ABCA4: variants seen among roughly 807,000 people sequenced by gnomAD.
ABCA4 encodes the protein retinal-specific phospholipid-transporting ATPase ABCA4.
A neutral mutation model predicts 263.7 loss-of-function variants in ABCA4; 196 were observed. The ratio of observed to expected loss-of-function variants is 0.74; its 90% CI spans 0.66 to 0.84. The LOEUF (loss-of-function observed/expected upper bound fraction) is 0.84, where lower values mean the gene tolerates loss of function less well. Among genes scored for constraint, ABCA4 ranks in the 40% least tolerant of loss-of-function variants. The probability of loss-of-function intolerance (pLI) is 0.00; values close to 1 mark genes in which losing one functional copy is unlikely to be tolerated. For synonymous variants in ABCA4, 1,133 were observed against 1,094.2 expected, an observed-to-expected ratio of 1.04 and a Z score of -0.70; for missense variants, 2,792 against 2,855.1, an observed-to-expected ratio of 0.98 and a Z score of 0.50.
rs376500896 is a variant in ABCA4, at chr1:94,089,525, T to G, written c.769-6084A>C. ...CACTGTCGCCTAGGTGGGAGTGCAGTGGCACGATCTCTGCTCACTGCTCCG... is the reference window on the plus strand; with the variant it reads ...CACTGTCGCCTAGGTGGGAGTGCAGGGGCACGATCTCTGCTCACTGCTCCG... On this transcript the variant is annotated intron_variant, in intron 6 of 49. Transcript: ENST00000370225. Among the ~76,000 whole-genome samples, 11 of 151,444 alleles carry G rather than the reference T, an allele frequency of 7.3e-5. No homozygotes were observed. The East Asian group carries it at 1.2e-3, about 16-fold the overall frequency.
At chr1:94,088,142 A>C (rs1213630069) in intron 6 of ABCA4, among the ~76,000 whole-genome samples, 1 of 151,958 alleles carries the variant, frequency 6.6e-6, no homozygotes, top group Non-Finnish European at 1.5e-5. Context: ...AGAACCCCCC[A>C]GTTTTCTCCT....
At chr1:94,043,580 A>G (rs148169318) in intron 20 of ABCA4, 105 bp from the exon 21 acceptor site, 9 of 1,465,820 alleles carry the variant, frequency 6.1e-6, no homozygotes, top group Non-Finnish European at 8.4e-6. Flanking sequence ...TTGGCAATCA[A>G]GATGCTCACT....
intron 6 of ABCA4, among the ~76,000 whole-genome samples, chr1:94,093,305 C>G (rs1662026645): frequency 6.6e-6 from 1 of 152,140 alleles, no homozygotes. Flanking sequence ...CTCCATGAGC[C>G]CCATCCTGTG....
intron 48 of ABCA4, among the ~76,000 whole-genome samples, chr1:93,996,751 G>A (rs1463436607): frequency 1.3e-5 from 2 of 152,168 alleles, no homozygotes; most frequent in East Asian, 3.8e-4. Context: ...TGAATGAATA[G>A]ATGGATGAAC....
chr1:94,025,937 G>T lies in ABCA4; in HGVS notation c.4540-889C>A, dbSNP rs111771037. ...GACACAGTTGATTTGTGACATTAAT[G>T]AAAGAATTTGAATAGTTCCTTACAA... On this transcript the variant is annotated intron_variant, in intron 30 of 49. Transcript: ENST00000370225. 1.2e-3 allele frequency among the ~76,000 whole-genome samples: 186 copies of T among 152,308 alleles called. 1 individual carries two copies. Among genetic ancestry groups the T allele is most frequent in the African/African-American group, 4.4e-3 (181 of 41,562 alleles).
chr1:94,038,099 AAAC>A, intron 24 of ABCA4, among the ~76,000 whole-genome samples: 1 of 151,452 alleles, frequency 6.6e-6, no homozygotes, highest in East Asian at 2.0e-4. Context: ...CTGCCTCCAC[AAAC>A]AAAACTGAAT....
chr1:94,030,910 G>A (rs1660182224), intron 28 of ABCA4, 86 bp downstream of exon 28: 1 of 1,571,818 alleles, frequency 6.4e-7, no homozygotes, highest in Middle Eastern at 2.1e-4. Context: ...TCCCAGTGAA[G>A]TGGGAAGGTC....
chr1:93,998,351 C>A (rs1659071944), intron 47 of ABCA4, among the ~76,000 whole-genome samples: 1 of 152,094 alleles, frequency 6.6e-6, no homozygotes, highest in East Asian at 1.9e-4. Flanking sequence ...CATGGTGGCA[C>A]ATGCCTGTGG....
rs925359039 is a variant in ABCA4 at position 94,086,522 on chromosome 1, A to G, written c.769-3081T>C. 5.9e-5 allele frequency among the ~76,000 whole-genome samples: 9 copies of G among 152,210 alleles called. No individual in the cohort carries two copies. In the South Asian group the frequency reaches 1.9e-3, roughly 32 times the overall value. The stretch of plus-strand genomic sequence containing the variant: ...TAATCGTATTGCCTAGGTAGTTCTG[A>G]GTCACATGAAGAGCACATAGGCTGT... On this transcript the variant is annotated intron_variant, in intron 6 of 49. Coordinates refer to ENST00000370225, the MANE Select transcript of ABCA4 (RefSeq NM_000350.3).
intron 5 of ABCA4, 49 bp downstream of exon 5, chr1:94,102,966 G>C: frequency 6.2e-7 from 1 of 1,613,316 alleles, no homozygotes; most frequent in Non-Finnish European, 8.5e-7. Flanking sequence ...TTCTCAGGCT[G>C]GGTGCTTCCC....
chr1:94,009,815 C>T (rs1659497289), intron 40 of ABCA4, among the ~76,000 whole-genome samples: 1 of 152,234 alleles, frequency 6.6e-6, no homozygotes, highest in Admixed American at 6.5e-5. Flanking sequence ...GACCTGCTCT[C>T]TCCCACACAA....
In ABCA4 at chr1:94,077,889, T is replaced by G; in HGVS notation, c.1357-2A>C. ...TACTGTTGGGTTCCCCAGGGTATCC[T>G]TGGGAAGAAGAAATACAGTCACTGC... is the stretch of plus-strand genomic sequence containing the variant. On this transcript the variant is annotated splice_acceptor_variant, in intron 10 of 49. Transcript: ENST00000370225. LOFTEE classifies it high-confidence loss of function. The G allele has an allele frequency of 6.2e-7, 1 of 1,613,698 alleles. No homozygotes were observed. The highest frequency in any genetic ancestry group is 8.5e-7 in the Non-Finnish European group (1 of 1,179,624).
chr1:94,028,334 G>A (rs977990175), intron 30 of ABCA4, among the ~76,000 whole-genome samples: 5 of 152,130 alleles, frequency 3.3e-5, no homozygotes, highest in Non-Finnish European at 5.9e-5. Context: ...AATCCCCCAG[G>A]AGATGCTCAC....
chr1:93,993,298 T>C, intron 49 of ABCA4, 56 bp from the exon 50 acceptor site: 1 of 1,611,618 alleles, frequency 6.2e-7, no homozygotes, highest in Non-Finnish European at 8.5e-7. Context: ...GATGCTGTAC[T>C]ACTTTTAGAT....
intron 30 of ABCA4, among the ~76,000 whole-genome samples, chr1:94,027,009 AGAGT>A (rs748313488): frequency 8.6e-5 from 13 of 152,042 alleles, no homozygotes; most frequent in Non-Finnish European, 1.6e-4. Flanking sequence ...AAAGAGTGAG[AGAGT>A]GAGAGATAAA....
At chr1:94,021,592 C>T (rs1342918932) in intron 34 of ABCA4, 48 bp downstream of exon 34, 8 of 1,551,040 alleles carry the variant, frequency 5.2e-6, no homozygotes, top group Non-Finnish European at 7.1e-6. Flanking sequence ...AAATAACCAG[C>T]TCAGGTAAAT....
chr1:94,015,791 A>C lies in ABCA4; in HGVS notation c.5260T>G (p.Tyr1754Asp). The change falls in exon 37 of 50, where the codon TAC becomes GAC. Residue 1754 changes from tyrosine to aspartate, a missense_variant. Coordinates refer to ENST00000370225, the MANE Select transcript of ABCA4 (RefSeq NM_000350.3). ...GCAGGAAGGTTTTCTGGAGAAGTGT[A>C]GGCTTTCTTCTGAAACCCGATGAAG... ...GIFIGFQKKA[Y>D]TSPENLPALV... 3.7e-6 allele frequency: 6 copies of C among 1,614,008 alleles called. No individual in the cohort carries two copies. Among genetic ancestry groups the C allele is most frequent in the Non-Finnish European group, 4.2e-6 (5 of 1,180,018 alleles).
rs534271809 is a variant in ABCA4 at position 94,117,010 on chromosome 1, CT to C, written c.67-3945del. 5.9e-3 allele frequency among the ~76,000 whole-genome samples: 656 copies of C among 111,256 alleles called. 4 individuals carry two copies. Among genetic ancestry groups the C allele is most frequent in the Non-Finnish European group, 5.1e-3 (271 of 53,528 alleles). 73.0% of individuals were successfully genotyped at this position (111,256 alleles called of 152,430 possible). On this transcript the variant is annotated intron_variant, in intron 1 of 49. Coordinates refer to ENST00000370225, the MANE Select transcript of ABCA4 (RefSeq NM_000350.3). ...TCTTTCTTTCTTTCTTTCTTTCTTTCTTTCTTTCTTTCTTTCCTTTTCTTTC... is the reference window on the plus strand; with the variant it reads ...TCTTTCTTTCTTTCTTTCTTTCTTTCTTCTTTCTTTCTTTCCTTTTCTTTC...
At chr1:94,037,467 C>G in intron 24 of ABCA4, 117 bp from the exon 25 acceptor site, 1 of 933,462 alleles carries the variant, frequency 1.1e-6, no homozygotes, top group Admixed American at 2.0e-5. Flanking sequence ...TATTTTGTAT[C>G]TCGGCAGTGA....
Sources: allele counts gnomAD v4.1 joint callset (sites outside exome capture counted in the v4.1 genomes callset), GRCh38; gene constraint gnomAD v4.1.1; transcripts MANE v1.5; gene names NCBI Gene and HGNC (gene_info 2026-07-23, HGNC 2026-07-21).